Variants in FSTL5 observed in about 807,000 individuals in gnomAD.
FSTL5 encodes follistatin-related protein 5.
Under a neutral mutation model 89.1 loss-of-function variants are expected in FSTL5, and 62 were observed. That is an observed-to-expected ratio of 0.70 (90% confidence interval 0.57 to 0.86). The LOEUF is 0.86. FSTL5 is among the 40% of genes least tolerant of loss of function. FSTL5 has a pLI of 0.00. For missense variants in FSTL5, 1,057 were observed against 1,001.6 expected (o/e 1.06, Z -0.75); for synonymous variants, 383 against 346.2 (o/e 1.11, Z -1.18).
intron 3 of FSTL5, among the ~76,000 whole-genome samples, chr4:161,980,213 A>T (rs1288655569): frequency 6.6e-6 from 1 of 151,438 alleles, no homozygotes; most frequent in Non-Finnish European, 1.5e-5. Flanking sequence ...GAGAAAAAGG[A>T]AAGGAAAGAA....
At chr4:161,947,399 C>T (rs1560930781) in intron 3 of FSTL5, among the ~76,000 whole-genome samples, 1 of 151,994 alleles carries the variant, frequency 6.6e-6, no homozygotes, top group Non-Finnish European at 1.5e-5. Flanking sequence ...GACTATGATA[C>T]ATCTTGAGTT....
At chr4:161,562,598 T>C (rs1732644540) in intron 8 of FSTL5, among the ~76,000 whole-genome samples, 1 of 140,676 alleles carries the variant, frequency 7.1e-6, no homozygotes, top group Non-Finnish European at 1.6e-5. Context: ...GATACTAATA[T>C]AAATGGTTTT....
At chr4:161,763,657 T>C (rs1740884191) in intron 5 of FSTL5, among the ~76,000 whole-genome samples, 1 of 152,172 alleles carries the variant, frequency 6.6e-6, no homozygotes. Flanking sequence ...ACCATTCATA[T>C]GTTTGAGTTA....
At chr4:161,813,717 T>C (rs895859042) in intron 4 of FSTL5, among the ~76,000 whole-genome samples, 3 of 152,166 alleles carry the variant, frequency 2.0e-5, no homozygotes, top group Admixed American at 6.5e-5. Context: ...TGAAAATTAC[T>C]GCTAGCAGAG....
intron 4 of FSTL5, among the ~76,000 whole-genome samples, chr4:161,824,365 G>A (rs1403737455): frequency 6.6e-6 from 1 of 152,114 alleles, no homozygotes; most frequent in African/African-American, 2.4e-5. Context: ...TGTTCCATTG[G>A]CCTATGTGCC....
intron 1 of FSTL5, among the ~76,000 whole-genome samples, chr4:162,122,526 T>C (rs553204338): frequency 3.0e-4 from 45 of 152,282 alleles, no homozygotes; most frequent in Middle Eastern, 3.4e-3. Context: ...AAGTTTGTTA[T>C]GTTAAATTTC....
chr4:161,555,964 G>A (rs776794663), intron 8 of FSTL5, among the ~76,000 whole-genome samples: 1 of 151,528 alleles, frequency 6.6e-6, no homozygotes, highest in African/African-American at 2.4e-5. Flanking sequence ...GTTTCAACAC[G>A]CAAGAAAACT....
intron 1 of FSTL5, among the ~76,000 whole-genome samples, chr4:162,118,321 C>T (rs1224748422): frequency 6.6e-6 from 1 of 151,952 alleles, no homozygotes; most frequent in South Asian, 2.1e-4. Flanking sequence ...AGTGCAGTGG[C>T]GCGATCTCGG....
chr4:161,727,990 C>T (rs1739477346), intron 6 of FSTL5, among the ~76,000 whole-genome samples: 1 of 151,682 alleles, frequency 6.6e-6, no homozygotes, highest in Non-Finnish European at 1.5e-5. Context: ...CTCAAACAAA[C>T]AAACAAACAA....
At chr4:161,549,431 T>A (rs757323901) in intron 8 of FSTL5, among the ~76,000 whole-genome samples, 17 of 151,872 alleles carry the variant, frequency 1.1e-4, no homozygotes, top group African/African-American at 4.1e-4. Flanking sequence ...AGGTTTTGCC[T>A]TATTTAATCA....
chr4:161,834,565 C>T (rs1335901759), intron 4 of FSTL5, among the ~76,000 whole-genome samples: 5 of 152,144 alleles, frequency 3.3e-5, no homozygotes, highest in Admixed American at 6.6e-5. Flanking sequence ...ATTGTCTTAG[C>T]CCAAAATCTC....
At chr4:161,704,288 T>A (rs1434218526) in intron 6 of FSTL5, among the ~76,000 whole-genome samples, 1 of 152,154 alleles carries the variant, frequency 6.6e-6, no homozygotes, top group Non-Finnish European at 1.5e-5. Flanking sequence ...AGAACCAATG[T>A]TCATCTTGCA....
intron 4 of FSTL5, among the ~76,000 whole-genome samples, chr4:161,796,779 C>A (rs960195223): frequency 6.6e-6 from 1 of 151,388 alleles, no homozygotes; most frequent in Non-Finnish European, 1.5e-5. Context: ...TCTTTTATTT[C>A]TTTAAGAAGT....
At chr4:162,122,063 G>T (rs963662105) in intron 1 of FSTL5, among the ~76,000 whole-genome samples, 5 of 152,012 alleles carry the variant, frequency 3.3e-5, no homozygotes, top group African/African-American at 1.2e-4. Flanking sequence ...CTGGTCAGTA[G>T]TAGGCTATTA....
rs144420977 is a variant in FSTL5 at position 161,415,677 on chromosome 4, G to A, written c.1842-29228C>T. Among the ~76,000 whole-genome samples, 1,063 of 148,630 alleles carry A rather than the reference G, an allele frequency of 7.2e-3. 13 individuals are homozygous for A. The highest frequency in any genetic ancestry group is 0.026 in the African/African-American group (1,017 of 39,392). ...ACATATATATATAGAGAGAGAGAGA[G>A]AGAAAGAGAGAGAAAGAGAGAGAGA... On this transcript the variant is annotated intron_variant, in intron 15 of 15. Transcript: ENST00000306100.
chr4:161,664,628 T>A (rs1283040318), intron 6 of FSTL5, among the ~76,000 whole-genome samples: 1 of 152,184 alleles, frequency 6.6e-6, no homozygotes, highest in Non-Finnish European at 1.5e-5. Context: ...TTTTTCTGTC[T>A]TTGTCTGAGA....
At chr4:162,020,647 G>A (rs1361888599) in intron 3 of FSTL5, among the ~76,000 whole-genome samples, 1 of 151,788 alleles carries the variant, frequency 6.6e-6, no homozygotes, top group Non-Finnish European at 1.5e-5. Flanking sequence ...AAGTTTTAAG[G>A]TAGGCCATTT....
At chr4:162,007,012 CT>C (rs1237510869) in intron 3 of FSTL5, among the ~76,000 whole-genome samples, 2 of 151,778 alleles carry the variant, frequency 1.3e-5, no homozygotes, top group Non-Finnish European at 3.0e-5. Flanking sequence ...TAATCAAAAT[CT>C]TATTAGATGG....
chr4:161,692,925 T>C (rs1397908853), intron 6 of FSTL5, among the ~76,000 whole-genome samples: 5 of 152,130 alleles, frequency 3.3e-5, no homozygotes, highest in Non-Finnish European at 4.4e-5. Flanking sequence ...AGTTTCACCA[T>C]GCTGGCCAGG....
Sources: gnomAD v4.1 joint callset for allele counts (sites outside exome capture counted in the v4.1 genomes callset) on GRCh38, gnomAD v4.1.1 for gene constraint, MANE v1.5 for transcripts, NCBI Gene and HGNC (gene_info 2026-07-23, HGNC 2026-07-21) for gene names.